The following RBFOX1 variants were observed in gnomAD, a reference collection of about 807,000 sequenced individuals.
RBFOX1 encodes the protein RNA binding fox-1 homolog 1.
Under a neutral mutation model 57.7 loss-of-function variants are expected in RBFOX1, and 8 were observed. That is an observed-to-expected ratio of 0.14 (90% CI 0.08 to 0.25). RBFOX1 has a LOEUF of 0.25. RBFOX1 is among the 10% of genes least tolerant of loss of function. RBFOX1 has a pLI of 1.00. For missense variants in RBFOX1, 611 were observed against 548.5 expected (o/e 1.11, Z -1.14); for synonymous variants, 326 against 222.4 (o/e 1.47, Z -4.15).
At chr16:7,376,777 C>G (rs960323229) in intron 4 of RBFOX1, among the ~76,000 whole-genome samples, 2 of 152,240 alleles carry the variant, frequency 1.3e-5, no homozygotes, top group South Asian at 2.1e-4. Context: ...AGTGCAGAAA[C>G]TGAGTTCATC....
intron 4 of RBFOX1, among the ~76,000 whole-genome samples, chr16:7,444,599 C>G (rs2098794462): frequency 6.6e-6 from 1 of 151,962 alleles, no homozygotes; most frequent in East Asian, 1.9e-4. Flanking sequence ...GTGGCATGAT[C>G]CTAGCTCACT....
At chr16:7,357,089 G>C (rs1320195680) in intron 4 of RBFOX1, among the ~76,000 whole-genome samples, 1 of 152,130 alleles carries the variant, frequency 6.6e-6, no homozygotes, top group Non-Finnish European at 1.5e-5. Flanking sequence ...AACCAGTTTG[G>C]TCCAGTAGTG....
chr16:5,671,817 CT>C (rs1288635260), intron 3 of RBFOX1, among the ~76,000 whole-genome samples: 1 of 152,186 alleles, frequency 6.6e-6, no homozygotes, highest in Admixed American at 6.5e-5. Context: ...TTTAAAATGA[CT>C]ATTCAAATTA....
At chr16:7,143,846 G>T (rs2074351996) in intron 4 of RBFOX1, among the ~76,000 whole-genome samples, 1 of 151,456 alleles carries the variant, frequency 6.6e-6, no homozygotes, top group South Asian at 2.1e-4. Context: ...CAAGATCCTA[G>T]CAGGTACTAT....
chr16:6,231,052 C>T (rs1567729639), intron 1 of RBFOX1, among the ~76,000 whole-genome samples: 2 of 151,984 alleles, frequency 1.3e-5, no homozygotes, highest in Non-Finnish European at 2.9e-5. Flanking sequence ...ATAGACTATC[C>T]AGATAGAAAC....
intron 2 of RBFOX1, among the ~76,000 whole-genome samples, chr16:6,572,132 C>T (rs978488676): frequency 2.0e-5 from 3 of 152,136 alleles, no homozygotes; most frequent in Non-Finnish European, 2.9e-5. Flanking sequence ...AACATAATCT[C>T]ATTGTCATCT....
At chr16:5,971,461 C>G (rs1223568626) in intron 4 of RBFOX1, among the ~76,000 whole-genome samples, 2 of 151,974 alleles carry the variant, frequency 1.3e-5, no homozygotes, top group Admixed American at 6.6e-5. Flanking sequence ...TTTTTTCCCC[C>G]AAAGCTAAAT....
chr16:6,301,964 T>C (rs1169956075), intron 1 of RBFOX1, among the ~76,000 whole-genome samples: 2 of 152,148 alleles, frequency 1.3e-5, no homozygotes, highest in African/African-American at 4.8e-5. Flanking sequence ...AATGCCCCAA[T>C]ATCAAACTCA....
intron 1 of RBFOX1, among the ~76,000 whole-genome samples, chr16:6,121,993 C>A (rs2096553523): frequency 6.6e-6 from 1 of 152,148 alleles, no homozygotes; most frequent in African/African-American, 2.4e-5. Context: ...GCAACCCCTG[C>A]CTCCGGGGTT....
rs531304400 is a variant in RBFOX1, at chr16:6,998,336, C to G, written c.-15-53721C>G. 3.9e-5 allele frequency among the ~76,000 whole-genome samples: 6 copies of G among 152,152 alleles called. No homozygotes were observed. The South Asian group carries it at 8.3e-4, about 21-fold the overall frequency. On this transcript the variant is annotated intron_variant, in intron 3 of 15. Coordinates refer to ENST00000550418, the MANE Select transcript of RBFOX1 (RefSeq NM_018723.4). The stretch of plus-strand genomic sequence containing the variant: ...ACTCATTAGTGTCTTCCATTGTGTT[C>G]AAGTGTTTACACATGAATCCAAGAA...
At chr16:6,182,774 T>A (rs567942565) in intron 1 of RBFOX1, among the ~76,000 whole-genome samples, 1 of 152,342 alleles carries the variant, frequency 6.6e-6, no homozygotes, top group South Asian at 2.1e-4. Context: ...TCCTTTATGC[T>A]CTTACTGAAA....
chr16:6,682,735 G>A (rs559071804), intron 3 of RBFOX1, among the ~76,000 whole-genome samples: 1 of 152,046 alleles, frequency 6.6e-6, no homozygotes, highest in African/African-American at 2.4e-5. Flanking sequence ...GGTGTGAGAC[G>A]ATGTTATCAT....
Position 6,922,923 on chromosome 16 carries a change from G to C in RBFOX1, c.-15-129134G>C, listed in dbSNP as rs138821375. 3.4e-4 allele frequency among the ~76,000 whole-genome samples: 51 copies of C among 152,106 alleles called. 1 individual carries two copies. In the East Asian group the frequency reaches 8.9e-3, roughly 27 times the overall value. ...GGTCTATATGTCTGTATTTCCTTTT[G>C]GCCATTTTTGATAATGACCAACCAG... On this transcript the variant is annotated intron_variant, in intron 3 of 15. Transcript: ENST00000550418.
chr16:6,777,438 A>G (rs1208947163), intron 3 of RBFOX1, among the ~76,000 whole-genome samples: 1 of 152,130 alleles, frequency 6.6e-6, no homozygotes, highest in African/African-American at 2.4e-5. Flanking sequence ...ACCAAATAAC[A>G]CTAGGTATCA....
At position 7,702,894 on chromosome 16, in the gene RBFOX1, A is replaced by G. The variant is rs3785192; in HGVS notation, c.996-6162A>G. Among the ~76,000 whole-genome samples the G allele has an allele frequency of 0.013, 1,956 of 152,332 alleles. 147 individuals are homozygous for G. In the East Asian group the frequency reaches 0.22, roughly 17 times the overall value. ...CAAACCCCAAAAATGAGGGCAATGA[A>G]ATAGGATGAATATCTGAGTGGGATG... On this transcript the variant is annotated intron_variant, in intron 14 of 15. Coordinates refer to ENST00000550418, the MANE Select transcript of RBFOX1 (RefSeq NM_018723.4).
chr16:5,713,794 C>T (rs141864051), intron 3 of RBFOX1, among the ~76,000 whole-genome samples: 92 of 152,200 alleles, frequency 6.0e-4, no homozygotes, highest in African/African-American at 2.0e-3. Context: ...TTGCCCAAGT[C>T]GATAAGAGCT....
chr16:7,472,406 A>G (rs2150963169), intron 4 of RBFOX1, among the ~76,000 whole-genome samples: 1 of 152,306 alleles, frequency 6.6e-6, no homozygotes, highest in South Asian at 2.1e-4. Context: ...GAGTCTTTAT[A>G]ACTTAACTCA....
intron 11 of RBFOX1, among the ~76,000 whole-genome samples, chr16:7,632,865 A>G (rs1482314488): frequency 2.6e-5 from 4 of 152,178 alleles, no homozygotes; most frequent in Non-Finnish European, 4.4e-5. Context: ...TGACATATCT[A>G]TATTTCAATT....
intron 1 of RBFOX1, among the ~76,000 whole-genome samples, chr16:6,127,912 A>G (rs2096601777): frequency 6.6e-6 from 1 of 152,166 alleles, no homozygotes; most frequent in African/African-American, 2.4e-5. Flanking sequence ...AGAGAATTGA[A>G]TAAGGGAAGC....
Sources: gnomAD v4.1 joint callset for allele counts (sites outside exome capture counted in the v4.1 genomes callset) on GRCh38, gnomAD v4.1.1 for gene constraint, MANE v1.5 for transcripts, NCBI Gene and HGNC (gene_info 2026-07-23, HGNC 2026-07-21) for gene names.